Variants in BANK1 observed in about 807,000 individuals in gnomAD.
BANK1 encodes B cell scaffold protein with ankyrin repeats 1.
A neutral mutation model predicts 94.5 loss-of-function variants in BANK1; 95 were observed. That is an observed-to-expected ratio of 1.00 (90% CI 0.85 to 1.19). The LOEUF (loss-of-function observed/expected upper bound fraction) is 1.19. Ranked by LOEUF, BANK1 falls within the 50% of genes most tolerant of loss-of-function variation. The pLI, the probability that BANK1 is intolerant of heterozygous loss-of-function variation, is 0.00. For missense variants in BANK1, 987 were observed against 932.2 expected (o/e 1.06, Z -0.77); for synonymous variants, 334 against 308.4 (o/e 1.08, Z -0.87).
intron 7 of BANK1, among the ~76,000 whole-genome samples, chr4:101,946,988 T>G (rs555961669): frequency 2.6e-5 from 4 of 151,756 alleles, no homozygotes; most frequent in Non-Finnish European, 5.9e-5. Context: ...AGTTGGGCAT[T>G]TTTTTCTCCA....
chr4:101,910,619 G>A (rs1038331250), intron 6 of BANK1, among the ~76,000 whole-genome samples: 22 of 150,884 alleles, frequency 1.5e-4, no homozygotes, highest in African/African-American at 4.1e-4. Context: ...ACTTGAACCC[G>A]GGAGGCAGAG....
At chr4:101,860,465 C>T (rs1389556152) in intron 3 of BANK1, among the ~76,000 whole-genome samples, 1 of 151,884 alleles carries the variant, frequency 6.6e-6, no homozygotes, top group African/African-American at 2.4e-5. Context: ...GAGACTTGCT[C>T]TGTCGCCCAG....
Position 101,986,749 on chromosome 4 carries a change from A to T in BANK1, c.1207-34765A>T, listed in dbSNP as rs1444902459. On this transcript the variant is annotated intron_variant, in intron 7 of 16. Transcript: ENST00000322953. ...TTTACTCTTTCTTCTAATGTGATTG[A>T]TCCTCTGCTACATAGGAAGGTTTTA... Among the ~76,000 whole-genome samples, 4 of 140,832 alleles carry T rather than the reference A, an allele frequency of 2.8e-5. No homozygotes were observed. In the East Asian group the frequency reaches 8.0e-4, roughly 28 times the overall value. The allele number at this position is 140,832 out of a possible 152,430, so 92.4% of individuals were successfully genotyped here.
rs183037893 is a variant in BANK1, at chr4:102,039,845, C to T, written c.1901-3994C>T. ...TCCCCTGAAAGCCCAGAGCACAATA[C>T]GAATCTATGTATTTTATTTTATATA... On this transcript the variant is annotated intron_variant, in intron 10 of 16. Coordinates refer to ENST00000322953, the MANE Select transcript of BANK1 (RefSeq NM_017935.5). Among the ~76,000 whole-genome samples, 425 of 152,056 alleles carry T rather than the reference C, an allele frequency of 2.8e-3. 2 individuals carry two copies. Among genetic ancestry groups the T allele is most frequent in the Non-Finnish European group, 3.2e-3 (216 of 67,948 alleles).
chr4:101,841,620 A>T (rs1043587986), intron 2 of BANK1, among the ~76,000 whole-genome samples: 7 of 57,728 alleles, frequency 1.2e-4, no homozygotes, highest in African/African-American at 3.9e-4. Context: ...ATAATCTTTT[A>T]TTATTATTAT....
At chr4:102,012,595 A>G (rs1345982623) in intron 7 of BANK1, among the ~76,000 whole-genome samples, 2 of 152,190 alleles carry the variant, frequency 1.3e-5, no homozygotes, top group Non-Finnish European at 2.9e-5. Context: ...TCTAACAACA[A>G]AAGAGTATAA....
At position 101,876,521 on chromosome 4, in the gene BANK1, C is replaced by T. The variant is rs569143075; in HGVS notation, c.903+5877C>T. On this transcript the variant is annotated intron_variant, in intron 5 of 16. Coordinates refer to ENST00000322953, the MANE Select transcript of BANK1 (RefSeq NM_017935.5). Reference sequence around the variant, plus strand: ...CTTAGGATGCCCCCTAAAACAGATACGGCTTAGATCACAACACACAAGTCT... The same window carrying T: ...CTTAGGATGCCCCCTAAAACAGATATGGCTTAGATCACAACACACAAGTCT... Among the ~76,000 whole-genome samples, 70 of 152,270 alleles carry T rather than the reference C, an allele frequency of 4.6e-4. 1 individual carries two copies. In the Middle Eastern group the frequency reaches 0.014, roughly 30 times the overall value.
At chr4:102,002,612 C>CA (rs1726119268) in intron 7 of BANK1, among the ~76,000 whole-genome samples, 1 of 150,688 alleles carries the variant, frequency 6.6e-6, no homozygotes, top group African/African-American at 2.4e-5. Flanking sequence ...TACTCATATA[C>CA]AAAAAGATTT....
In BANK1 at chr4:101,830,188, C is replaced by CAGA. The variant is rs559630549; in HGVS notation, c.452_454dup (p.Gln151_Ser152insLys). The CAGA allele has an allele frequency of 6.0e-5, 92 of 1,532,896 alleles. No individual in the cohort carries two copies. In the South Asian group the frequency reaches 1.1e-3, roughly 19 times the overall value. The allele number at this position is 1,532,896 out of a possible 1,614,324, so 95.0% of individuals were successfully genotyped here. On this transcript the variant is annotated inframe_insertion, in exon 2 of 17. Coordinates refer to ENST00000322953, the MANE Select transcript of BANK1 (RefSeq NM_017935.5). ...ACCTGAAGACTACATCTCTGTAATC[C>CAGA]AGAGTATCATATTCAAAGGTAGTGT...
At chr4:102,007,233 G>T (rs1726337686) in intron 7 of BANK1, among the ~76,000 whole-genome samples, 1 of 142,438 alleles carries the variant, frequency 7.0e-6, no homozygotes. Context: ...GAAAAAAAAT[G>T]AAAATGTATA....
At chr4:102,051,723 A>C (rs751751627) in intron 11 of BANK1, among the ~76,000 whole-genome samples, 17 of 152,164 alleles carry the variant, frequency 1.1e-4, no homozygotes, top group Admixed American at 2.6e-4. Flanking sequence ...AATTTTTACA[A>C]GTGCTCTGTG....
intron 12 of BANK1, 51 bp from the exon 13 acceptor site, chr4:102,063,024 T>G: frequency 7.0e-7 from 1 of 1,435,356 alleles, no homozygotes; most frequent in Non-Finnish European, 9.8e-7. Context: ...TTCATCTTGA[T>G]CCATAAAAAT....
intron 6 of BANK1, among the ~76,000 whole-genome samples, chr4:101,902,258 A>G (rs1305295674): frequency 6.6e-6 from 1 of 152,198 alleles, no homozygotes; most frequent in Admixed American, 6.5e-5. Flanking sequence ...ACTATAAGAA[A>G]TTATCTTCCT....
chr4:101,795,318 A>G (rs1330109875), intron 1 of BANK1, among the ~76,000 whole-genome samples: 2 of 151,556 alleles, frequency 1.3e-5, no homozygotes, highest in Non-Finnish European at 2.9e-5. Flanking sequence ...AACAAGTCAT[A>G]TTGTTCAGTA....
chr4:101,909,967 G>A (rs1486228273), intron 6 of BANK1, among the ~76,000 whole-genome samples: 3 of 152,158 alleles, frequency 2.0e-5, no homozygotes, highest in African/African-American at 7.2e-5. Context: ...AGAATGGAGA[G>A]AAAGTCCACT....
At chr4:102,067,171 A>G (rs1728622413) in intron 13 of BANK1, among the ~76,000 whole-genome samples, 1 of 152,094 alleles carries the variant, frequency 6.6e-6, no homozygotes, top group Non-Finnish European at 1.5e-5. Flanking sequence ...TAGGAAACCT[A>G]TAGAGGAAAT....
chr4:101,938,702 A>G (rs888441518), intron 7 of BANK1, among the ~76,000 whole-genome samples: 3 of 151,640 alleles, frequency 2.0e-5, no homozygotes, highest in Admixed American at 1.3e-4. Context: ...CAGTCCATAA[A>G]AGCTATTTAC....
intron 7 of BANK1, among the ~76,000 whole-genome samples, chr4:102,012,556 C>G (rs1370597699): frequency 6.6e-6 from 1 of 152,096 alleles, no homozygotes; most frequent in Non-Finnish European, 1.5e-5. Flanking sequence ...CTTAAAAGGT[C>G]TTTTGTTTCA....
chr4:101,862,129 G>T (rs761467510), intron 3 of BANK1, among the ~76,000 whole-genome samples: 3 of 151,890 alleles, frequency 2.0e-5, no homozygotes, highest in Non-Finnish European at 4.4e-5. Flanking sequence ...TTATATAAAG[G>T]ACTAAAAAAG....
Sources: allele counts gnomAD v4.1 joint callset (sites outside exome capture counted in the v4.1 genomes callset), GRCh38; gene constraint gnomAD v4.1.1; transcripts MANE v1.5; gene names NCBI Gene and HGNC (gene_info 2026-07-23, HGNC 2026-07-21).